Variants in NRXN1 observed in about 807,000 individuals in gnomAD.
NRXN1 encodes the protein neurexin-1.
Under a neutral mutation model 150.9 loss-of-function variants are expected in NRXN1, and 39 were observed. The observed-to-expected ratio is 0.26, with a 90% CI of 0.20 to 0.34. NRXN1 has a LOEUF of 0.34. Among genes scored for constraint, NRXN1 ranks in the 10% least tolerant of loss-of-function variants. The pLI is 1.00. For missense variants in NRXN1, 1,815 were observed against 1,949.9 expected (o/e 0.93, Z 1.30); for synonymous variants, 924 against 757.0 (o/e 1.22, Z -3.62).
intron 18 of NRXN1, among the ~76,000 whole-genome samples, chr2:50,172,641 C>A (rs1272208948): frequency 7.9e-5 from 12 of 152,166 alleles, no homozygotes. Context: ...TTCTGTAACT[C>A]ATTCATTTTT....
At position 50,347,228 on chromosome 2, in the gene NRXN1, G is replaced by A. The variant is rs201736704; in HGVS notation, c.3365-110258C>T. ...CCCCGGGAACAGCAAGCGCGGAGCG[G>A]GTGGCTGCTCCCAGATTTCCAGGGC... On this transcript the variant is annotated intron_variant, in intron 17 of 22. Coordinates refer to ENST00000401669, the MANE Select transcript of NRXN1 (RefSeq NM_001330078.2). The surrounding 1 kb of genome is among the most constrained non-coding windows in gnomAD (Gnocchi z 4.9). 2.2e-6 allele frequency: 3 copies of A among 1,333,390 alleles called. No individual in the cohort carries two copies. The African/African-American group carries it at 4.5e-5, about 20-fold the overall frequency. 82.6% of individuals were successfully genotyped at this position (1,333,390 alleles called of 1,614,324 possible). A position where few individuals can be genotyped will look rare whatever the true frequency, so the allele number is the denominator to read the frequency against.
At chr2:50,196,195 T>G (rs907768354) in intron 18 of NRXN1, among the ~76,000 whole-genome samples, 1 of 152,084 alleles carries the variant, frequency 6.6e-6, no homozygotes, top group African/African-American at 2.4e-5. Flanking sequence ...ATTGTTCAGC[T>G]CCCACTTATA....
At chr2:50,485,982 A>C (rs576106882) in intron 15 of NRXN1, among the ~76,000 whole-genome samples, 1 of 152,338 alleles carries the variant, frequency 6.6e-6, no homozygotes, top group Non-Finnish European at 1.5e-5. Context: ...TTAGTAACTC[A>C]GATTGGTGGT....
At position 50,622,824 on chromosome 2, in the gene NRXN1, A is replaced by G. The variant is rs1288808758; in HGVS notation, c.1134+490T>C. On this transcript the variant is annotated intron_variant, in intron 6 of 22. Transcript: ENST00000401669. ...AGGAGATATGTAAGCCCCTAAAGAA[A>G]TTTTTCCCCTCAGGGACTTCTCTTG... Among the ~76,000 whole-genome samples the G allele has an allele frequency of 3.3e-5, 5 of 152,116 alleles. No homozygotes were observed. In the East Asian group the frequency reaches 9.7e-4, roughly 29 times the overall value.
At chr2:50,922,384 T>C in intron 4 of NRXN1, 3 of 560,598 alleles carry the variant, frequency 5.4e-6, no homozygotes, top group East Asian at 3.1e-5. Context: ...GATAAGTATA[T>C]AGAAACTTTC....
At chr2:50,141,628 G>A (rs559030264) in intron 18 of NRXN1, among the ~76,000 whole-genome samples, 14 of 151,960 alleles carry the variant, frequency 9.2e-5, no homozygotes, top group Non-Finnish European at 7.4e-5. Context: ...AAATAAACAC[G>A]TTAAAGAGTG....
At chr2:50,552,540 G>T (rs201671382) in intron 9 of NRXN1, 47 bp downstream of exon 9, 2 of 1,418,126 alleles carry the variant, frequency 1.4e-6, no homozygotes, top group Admixed American at 1.7e-5. Flanking sequence ...GCATGGGTGG[G>T]TGGGGTGCTC....
intron 19 of NRXN1, among the ~76,000 whole-genome samples, chr2:50,084,009 T>C (rs1332456363): frequency 6.6e-6 from 1 of 152,044 alleles, no homozygotes. Flanking sequence ...TAGCTAGACA[T>C]AAAGATTCTC....
intron 2 of NRXN1, among the ~76,000 whole-genome samples, chr2:50,942,579 T>G (rs543432978): frequency 7.2e-5 from 11 of 152,288 alleles, no homozygotes; most frequent in African/African-American, 2.6e-4. Context: ...CAGGGGAGAT[T>G]ATTTTGGAGC....
chr2:50,037,212 G>C lies in NRXN1; in HGVS notation c.4128+16059C>G, dbSNP rs370945055. The stretch of plus-strand genomic sequence containing the variant: ...AAACATTTTATATATGGTTAGGTTT[G>C]AGTGTAAAATTTTTATCTCCTTTGT... On this transcript the variant is annotated intron_variant, in intron 21 of 22. Transcript: ENST00000401669. 7.2e-5 allele frequency among the ~76,000 whole-genome samples: 11 copies of C among 152,090 alleles called. No individual in the cohort carries two copies. In the East Asian group the frequency reaches 9.7e-4, roughly 13 times the overall value.
intron 17 of NRXN1, among the ~76,000 whole-genome samples, chr2:50,334,193 A>ATTT (rs68183264): frequency 0.05 from 5,120 of 102,564 alleles, 185 homozygotes; most frequent in Non-Finnish European, 0.064. Flanking sequence ...CCAGGACCAA[A>ATTT]TATATATATA....
chr2:50,908,769 T>G (rs1041606996), intron 5 of NRXN1, among the ~76,000 whole-genome samples: 1 of 152,114 alleles, frequency 6.6e-6, no homozygotes, highest in Admixed American at 6.5e-5. Flanking sequence ...TAATTAGGAT[T>G]AGATAAGGTC....
chr2:50,450,810 T>C (rs976580288), intron 17 of NRXN1, among the ~76,000 whole-genome samples: 9 of 152,186 alleles, frequency 5.9e-5, no homozygotes, highest in Admixed American at 2.0e-4. Context: ...AATTTAATCA[T>C]AGCAGCTTTT....
At chr2:50,068,720 T>C (rs188306991) in intron 19 of NRXN1, among the ~76,000 whole-genome samples, 1 of 152,358 alleles carries the variant, frequency 6.6e-6, no homozygotes, top group Admixed American at 6.5e-5. Context: ...TATTCTCTAG[T>C]ATGATGTGCC....
At chr2:50,895,120 C>T (rs1199194202) in intron 5 of NRXN1, among the ~76,000 whole-genome samples, 1 of 152,034 alleles carries the variant, frequency 6.6e-6, no homozygotes, top group African/African-American at 2.4e-5. Flanking sequence ...ATTTGCTATT[C>T]CCTCCCCCAA....
intron 21 of NRXN1, among the ~76,000 whole-genome samples, chr2:49,946,338 C>T (rs1672885954): frequency 6.6e-6 from 1 of 152,040 alleles, no homozygotes; most frequent in East Asian, 1.9e-4. Flanking sequence ...CTGTAGGTTG[C>T]CTGTCCATTC....
chr2:50,887,916 T>A (rs1680493042), intron 5 of NRXN1, among the ~76,000 whole-genome samples: 1 of 151,296 alleles, frequency 6.6e-6, no homozygotes, highest in South Asian at 2.1e-4. Flanking sequence ...TAGTTATTTT[T>A]TTATCTTTCC....
At chr2:50,257,085 A>G (rs2067774027) in intron 17 of NRXN1, among the ~76,000 whole-genome samples, 1 of 152,126 alleles carries the variant, frequency 6.6e-6, no homozygotes, top group African/African-American at 2.4e-5. Context: ...TGAGGCAAGT[A>G]AATTTGATAG....
chr2:50,691,485 T>G (rs1692067107), intron 5 of NRXN1, among the ~76,000 whole-genome samples: 1 of 152,224 alleles, frequency 6.6e-6, no homozygotes, highest in South Asian at 2.1e-4. Flanking sequence ...AATGCTTATT[T>G]TTTTAGGAAG....
Sources: allele counts gnomAD v4.1 joint callset (sites outside exome capture counted in the v4.1 genomes callset), GRCh38; gene constraint gnomAD v4.1.1; non-coding constraint Gnocchi (gnomAD v3.1); transcripts MANE v1.5; gene names NCBI Gene and HGNC (gene_info 2026-07-23, HGNC 2026-07-21).